The following LRRC4C variants were observed in gnomAD, a reference collection of about 807,000 sequenced individuals.
LRRC4C encodes leucine-rich repeat-containing protein 4C.
Under a neutral mutation model 33.6 loss-of-function variants are expected in LRRC4C, and 5 were observed. The ratio of observed to expected loss-of-function variants is 0.15; its 90% CI spans 0.08 to 0.31. The LOEUF (loss-of-function observed/expected upper bound fraction) is 0.31, where lower values mean the gene tolerates loss of function less well. Among genes scored for constraint, LRRC4C ranks in the 10% least tolerant of loss-of-function variants. LRRC4C has a pLI of 1.00. For synonymous variants in LRRC4C, 329 were observed against 302.0 expected, an observed-to-expected ratio of 1.09 and a Z score of -0.93; for missense variants, 560 against 796.7, an observed-to-expected ratio of 0.70 and a Z score of 3.58.
intron 3 of LRRC4C, among the ~76,000 whole-genome samples, chr11:40,566,080 T>C (rs971019017): frequency 2.8e-5 from 4 of 143,424 alleles, no homozygotes; most frequent in African/African-American, 1.0e-4. Context: ...TTTCTATTTT[T>C]ACTAAGTTTT....
At chr11:41,375,832 A>G (rs1286838856) in intron 1 of LRRC4C, among the ~76,000 whole-genome samples, 1 of 152,102 alleles carries the variant, frequency 6.6e-6, no homozygotes, top group African/African-American at 2.4e-5. Context: ...CTAGGCAGAG[A>G]ATAATATAGA....
intron 5 of LRRC4C, among the ~76,000 whole-genome samples, chr11:40,190,908 G>T (rs1364999358): frequency 6.6e-6 from 1 of 152,134 alleles, no homozygotes; most frequent in Non-Finnish European, 1.5e-5. Flanking sequence ...TTTCCCTGAG[G>T]GGAAAGCTTA....
At chr11:40,275,836 G>A (rs1943062282) in intron 4 of LRRC4C, among the ~76,000 whole-genome samples, 1 of 152,112 alleles carries the variant, frequency 6.6e-6, no homozygotes, top group Non-Finnish European at 1.5e-5. Context: ...CAATCACAAA[G>A]CATCTATAGA....
intron 1 of LRRC4C, among the ~76,000 whole-genome samples, chr11:41,455,006 T>A (rs917644367): frequency 1.3e-5 from 2 of 152,116 alleles, no homozygotes; most frequent in Admixed American, 1.3e-4. Flanking sequence ...GTCCCTATTT[T>A]ACAGATTAGA....
chr11:40,230,394 G>A (rs1009087986), intron 5 of LRRC4C, among the ~76,000 whole-genome samples: 2 of 152,180 alleles, frequency 1.3e-5, no homozygotes, highest in African/African-American at 4.8e-5. Context: ...TAAGGGGTGT[G>A]TACCATGCAC....
At chr11:41,053,457 T>C (rs539880147) in intron 1 of LRRC4C, among the ~76,000 whole-genome samples, 1 of 152,306 alleles carries the variant, frequency 6.6e-6, no homozygotes, top group African/African-American at 2.4e-5. Context: ...CAAAGCTGGA[T>C]AAAAACCAAG....
At chr11:41,244,267 A>T (rs148889188) in intron 1 of LRRC4C, among the ~76,000 whole-genome samples, 1 of 152,260 alleles carries the variant, frequency 6.6e-6, no homozygotes, top group Non-Finnish European at 1.5e-5. Flanking sequence ...AGGGAAAAAA[A>T]TGCTTTTAAA....
intron 1 of LRRC4C, among the ~76,000 whole-genome samples, chr11:41,166,414 A>T (rs572821504): frequency 6.6e-6 from 1 of 152,340 alleles, no homozygotes; most frequent in East Asian, 1.9e-4. Context: ...TGACCACAGA[A>T]CGACATATAG....
At chr11:40,586,061 A>C (rs1264742031) in intron 3 of LRRC4C, among the ~76,000 whole-genome samples, 2 of 138,534 alleles carry the variant, frequency 1.4e-5, no homozygotes, top group Non-Finnish European at 3.1e-5. Flanking sequence ...TGACTTCCAC[A>C]ATGGTTGAAC....
chr11:41,352,048 G>A (rs2137578210), intron 1 of LRRC4C, among the ~76,000 whole-genome samples: 1 of 152,170 alleles, frequency 6.6e-6, no homozygotes, highest in African/African-American at 2.4e-5. Context: ...AAATGTAAGT[G>A]GCACTTAAAA....
At chr11:40,221,049 T>A (rs935994177) in intron 5 of LRRC4C, among the ~76,000 whole-genome samples, 2 of 152,026 alleles carry the variant, frequency 1.3e-5, no homozygotes, top group African/African-American at 2.4e-5. Context: ...CTAATTTTTG[T>A]TTTTTTAGTA....
intron 3 of LRRC4C, among the ~76,000 whole-genome samples, chr11:40,353,479 A>G (rs1947512193): frequency 6.6e-6 from 1 of 152,058 alleles, no homozygotes; most frequent in Admixed American, 6.6e-5. Context: ...GCACTTTGAG[A>G]GGCTGAGGTA....
At chr11:40,296,467 C>A (rs954339109) in intron 4 of LRRC4C, among the ~76,000 whole-genome samples, 1 of 152,052 alleles carries the variant, frequency 6.6e-6, no homozygotes, top group Non-Finnish European at 1.5e-5. Flanking sequence ...AAAATTTGAA[C>A]CCAGATCTAC....
rs145121838 is a variant in LRRC4C, at chr11:41,052,481, G to T, written c.-495-118758C>A. Among the ~76,000 whole-genome samples, 231 of 151,452 alleles carry T rather than the reference G, an allele frequency of 1.5e-3. 2 individuals carry two copies. The highest frequency in any genetic ancestry group is 6.5e-3 in the South Asian group (31 of 4,784). ...TCTTCCTGGCATCTGGTATGTTCCC[G>T]TCCATCTGCTTCCTTTACATGGTCT... On this transcript the variant is annotated intron_variant, in intron 1 of 6. Transcript: ENST00000528697.
In LRRC4C at chr11:40,734,367, C is replaced by T. The variant is rs773840450; in HGVS notation, c.-406-86089G>A. On this transcript the variant is annotated intron_variant, in intron 2 of 6. Coordinates refer to ENST00000528697, the MANE Select transcript of LRRC4C (RefSeq NM_001258419.2). The stretch of plus-strand genomic sequence containing the variant: ...TTTCAGAAACCACTCAACTTGTTTA[C>T]GGATATTTTTCCTTCTCTCTTCCCT... Among the ~76,000 whole-genome samples, 12 of 152,232 alleles carry T rather than the reference C, an allele frequency of 7.9e-5. No homozygotes were observed. The East Asian group carries it at 1.7e-3, about 22-fold the overall frequency.
intron 5 of LRRC4C, among the ~76,000 whole-genome samples, chr11:40,238,110 G>C (rs986325495): frequency 6.6e-6 from 1 of 152,228 alleles, no homozygotes; most frequent in Non-Finnish European, 1.5e-5. Context: ...TCACGCTATT[G>C]GTGTTCTTAA....
chr11:41,297,511 A>C (rs1376146631), intron 1 of LRRC4C, among the ~76,000 whole-genome samples: 2 of 152,194 alleles, frequency 1.3e-5, no homozygotes, highest in Non-Finnish European at 2.9e-5. Context: ...GGGTGGAACA[A>C]GTAGAAGTCA....
chr11:40,454,194 A>G (rs1952028069), intron 3 of LRRC4C, among the ~76,000 whole-genome samples: 1 of 149,978 alleles, frequency 6.7e-6, no homozygotes, highest in Non-Finnish European at 1.5e-5. Flanking sequence ...TTTTTTTAAC[A>G]GTGAGTCATT....
intron 3 of LRRC4C, among the ~76,000 whole-genome samples, chr11:40,383,817 TG>T (rs986394876): frequency 4.0e-5 from 6 of 151,842 alleles, no homozygotes; most frequent in Non-Finnish European, 7.4e-5. Flanking sequence ...CTCTAGTAGC[TG>T]GGAACACAGG....
Sources: allele counts gnomAD v4.1 joint callset (sites outside exome capture counted in the v4.1 genomes callset), GRCh38; gene constraint gnomAD v4.1.1; transcripts MANE v1.5; gene names NCBI Gene and HGNC (gene_info 2026-07-23, HGNC 2026-07-21).